PAPPA2: variants seen among roughly 807,000 people sequenced by gnomAD.
The protein encoded by PAPPA2 is pappalysin-2.
PAPPA2 carries 86 observed loss-of-function variants against 176.4 expected under a neutral mutation model. That is an observed-to-expected ratio of 0.49 (90% CI 0.41 to 0.58). The LOEUF is 0.58. Among genes scored for constraint, PAPPA2 ranks in the 20% least tolerant of loss-of-function variants. The pLI, the probability that PAPPA2 is intolerant of heterozygous loss-of-function variation, is 0.00. For synonymous variants in PAPPA2, 809 were observed against 852.2 expected, an observed-to-expected ratio of 0.95 and a Z score of 0.88; for missense variants, 2,073 against 2,256.9, an observed-to-expected ratio of 0.92 and a Z score of 1.65.
At chr1:176,563,751 G>C (rs569080639) in intron 2 of PAPPA2, among the ~76,000 whole-genome samples, 1 of 152,162 alleles carries the variant, frequency 6.6e-6, no homozygotes, top group Non-Finnish European at 1.5e-5. Context: ...ATGTAAGTAC[G>C]TCTTGCACAG....
intron 1 of PAPPA2, among the ~76,000 whole-genome samples, chr1:176,491,895 TGAG>T (rs1647310970): frequency 6.6e-6 from 1 of 152,180 alleles, no homozygotes; most frequent in African/African-American, 2.4e-5. Flanking sequence ...AAAGGTCACA[TGAG>T]GAAGTGGCAG....
intron 1 of PAPPA2, among the ~76,000 whole-genome samples, chr1:176,533,278 G>A (rs1649909164): frequency 6.6e-6 from 1 of 152,226 alleles, no homozygotes; most frequent in South Asian, 2.1e-4. Context: ...CCTTGGCAGA[G>A]TGTTGAAGAA....
At chr1:176,496,969 A>C (rs1647665826) in intron 1 of PAPPA2, among the ~76,000 whole-genome samples, 1 of 152,006 alleles carries the variant, frequency 6.6e-6, no homozygotes, top group Admixed American at 6.6e-5. Context: ...GGCCAGAAAC[A>C]TTCCCTCAAC....
rs900468385 is a variant in PAPPA2, at chr1:176,586,944, G to A, written c.920-7580G>A. ...AGCTTTCCTATTTCTCCACATCCTC[G>A]CCAGCATGTATTGTTTCCTGATTTT... is the stretch of plus-strand genomic sequence containing the variant. On this transcript the variant is annotated intron_variant, in intron 2 of 22. Transcript: ENST00000367662. Among the ~76,000 whole-genome samples the A allele has an allele frequency of 4.6e-5, 7 of 152,046 alleles. No homozygotes were observed. The East Asian group carries it at 5.8e-4, about 13-fold the overall frequency.
At chr1:176,648,916 T>G (rs771515249) in intron 3 of PAPPA2, among the ~76,000 whole-genome samples, 23 of 151,558 alleles carry the variant, frequency 1.5e-4, no homozygotes, top group Non-Finnish European at 3.1e-4. Context: ...TGTTTTTGTC[T>G]GGTTTTGATG....
chr1:176,600,663 G>A (rs1016009583), intron 3 of PAPPA2, among the ~76,000 whole-genome samples: 13 of 123,490 alleles, frequency 1.1e-4, no homozygotes, highest in African/African-American at 6.9e-5. Flanking sequence ...GCGACAGAGC[G>A]AGACTCCGTC....
intron 21 of PAPPA2, among the ~76,000 whole-genome samples, chr1:176,832,778 C>T (rs758760097): frequency 2.0e-5 from 3 of 152,120 alleles, no homozygotes; most frequent in Admixed American, 1.3e-4. Flanking sequence ...TTTATCTTAA[C>T]GTTTGCTTGC....
intron 20 of PAPPA2, among the ~76,000 whole-genome samples, chr1:176,796,596 C>CTTTCT (rs762640523): frequency 4.6e-5 from 6 of 129,162 alleles, no homozygotes; most frequent in Non-Finnish European, 1.0e-4. Flanking sequence ...CTTTCTTTCT[C>CTTTCT]TTTCTTTTCT....
At chr1:176,750,471 G>A (rs540455202) in intron 14 of PAPPA2, among the ~76,000 whole-genome samples, 1 of 152,178 alleles carries the variant, frequency 6.6e-6, no homozygotes, top group Non-Finnish European at 1.5e-5. Context: ...CTGGTGTGCT[G>A]GTGGGCACTG....
intron 1 of PAPPA2, among the ~76,000 whole-genome samples, chr1:176,493,335 G>A (rs1286171929): frequency 1.3e-5 from 2 of 152,178 alleles, no homozygotes. Context: ...TAGACTGTTA[G>A]TTTTTAATAT....
chr1:176,546,342 G>T (rs574584289), intron 1 of PAPPA2, among the ~76,000 whole-genome samples: 2 of 152,224 alleles, frequency 1.3e-5, no homozygotes, highest in African/African-American at 4.8e-5. Context: ...CTTCTCCTCT[G>T]GAGTGGATAG....
At chr1:176,791,173 ATTTTTTTTTTTTTT>A (rs57185368) in intron 18 of PAPPA2, among the ~76,000 whole-genome samples, 160 bp from the exon 19 acceptor site, 23 of 80,876 alleles carry the variant, frequency 2.8e-4, no homozygotes, top group East Asian at 1.0e-3. Flanking sequence ...AAAGCAAAGA[ATTTTTTTTTTTTTT>A]TTTTTTTTTT....
At chr1:176,668,726 G>C (rs774255349) in intron 3 of PAPPA2, among the ~76,000 whole-genome samples, 1 of 151,880 alleles carries the variant, frequency 6.6e-6, no homozygotes, top group African/African-American at 2.4e-5. Context: ...GCAAAATAAG[G>C]GTTTCTTCTA....
intron 21 of PAPPA2, among the ~76,000 whole-genome samples, chr1:176,838,679 A>G (rs1667367085): frequency 6.6e-6 from 1 of 152,238 alleles, no homozygotes; most frequent in African/African-American, 2.4e-5. Context: ...TAGAGCCAGA[A>G]TAACTGGTTC....
chr1:176,645,301 A>G (rs1221808313), intron 3 of PAPPA2, among the ~76,000 whole-genome samples: 1 of 151,624 alleles, frequency 6.6e-6, no homozygotes, highest in African/African-American at 2.4e-5. Context: ...TCTTTATGAG[A>G]TCCATGTTTA....
Position 176,699,543 on chromosome 1 carries a change from G to A in PAPPA2, c.3190G>A (p.Gly1064Ser). ...TCTCCGCGATCCCCCATTTGCCAGTGGTTTGCCCGTGGTGGTGACACATTC... is the reference window on the plus strand; with the variant it reads ...TCTCCGCGATCCCCCATTTGCCAGTAGTTTGCCCGTGGTGGTGACACATTC... ...QVLRDPPFAS[G>S]LPVVVTHSHR... Residue 1064 changes from glycine to serine, a missense_variant, in exon 8 of 23, where the codon GGT (glycine) becomes AGT (serine). Gly to Ser is a moderately conservative substitution (Grantham distance 56). Coordinates refer to ENST00000367662, the MANE Select transcript of PAPPA2 (RefSeq NM_020318.3). 1.2e-6 allele frequency: 2 copies of A among 1,611,564 alleles called. No individual in the cohort carries two copies. Among genetic ancestry groups the A allele is most frequent in the Non-Finnish European group, 1.7e-6 (2 of 1,177,930 alleles).
At chr1:176,552,465 C>T (rs764120496) in intron 1 of PAPPA2, among the ~76,000 whole-genome samples, 2 of 151,324 alleles carry the variant, frequency 1.3e-5, no homozygotes, top group Non-Finnish European at 2.9e-5. Flanking sequence ...TCCTCATCCC[C>T]TCTCCTCTCT....
rs368670186 is a variant in PAPPA2, at chr1:176,739,711, C to T, written c.3884C>T (p.Pro1295Leu). ...CTAGTTCCCGGAGAGCATCAGCAGC[C>T]GACAGTGACTCTCTACCTGACCGAT... ...DGLVPGEHQQ[P>L]TVTLYLTDVR... The change falls in exon 13 of 23, where the codon CCG (proline) becomes CTG (leucine). Residue 1295 changes from proline (P) to leucine (L), a missense_variant. Coordinates refer to ENST00000367662, the MANE Select transcript of PAPPA2 (RefSeq NM_020318.3). The T allele has an allele frequency of 5.7e-5, 92 of 1,613,582 alleles. No individual in the cohort carries two copies. The highest frequency in any genetic ancestry group is 2.8e-4 in the Admixed American group (17 of 59,920).
chr1:176,738,970 C>T (rs1056804019), intron 12 of PAPPA2, among the ~76,000 whole-genome samples: 1 of 152,008 alleles, frequency 6.6e-6, no homozygotes, highest in African/African-American at 2.4e-5. Context: ...TTTCCTGTGT[C>T]CCATTGTTGG....
Sources: gnomAD v4.1 joint callset for allele counts (sites outside exome capture counted in the v4.1 genomes callset) on GRCh38, gnomAD v4.1.1 for gene constraint, MANE v1.5 for transcripts, NCBI Gene and HGNC (gene_info 2026-07-23, HGNC 2026-07-21) for gene names.